MMRN2: variants seen among roughly 807,000 people sequenced by gnomAD.
MMRN2 encodes the protein multimerin-2.
MMRN2 carries 53 observed loss-of-function variants against 68.8 expected under a neutral mutation model. That is an observed-to-expected ratio of 0.77 (90% CI 0.62 to 0.97). The LOEUF is 0.97. MMRN2 is among the 50% of genes least tolerant of loss of function. The probability of loss-of-function intolerance (pLI) is 0.00; values close to 1 mark genes in which losing one functional copy is unlikely to be tolerated. For synonymous variants in MMRN2, 564 were observed against 551.6 expected (o/e 1.02, Z -0.32); for missense variants, 1,266 against 1,259.5 (o/e 1.01, Z -0.08).
intron 6 of MMRN2, among the ~76,000 whole-genome samples, chr10:86,938,261 T>C (rs1254263502): frequency 6.6e-6 from 1 of 152,140 alleles, no homozygotes; most frequent in Admixed American, 6.5e-5. Context: ...TATGGGTAAA[T>C]TGAGGCCCAG....
Position 86,936,940 on chromosome 10 carries a change from C to G in MMRN2, c.2653G>C (p.Gly885Arg). 3.7e-6 allele frequency: 6 copies of G among 1,614,218 alleles called. No homozygotes were observed. The highest frequency in any genetic ancestry group is 5.1e-6 in the Non-Finnish European group (6 of 1,180,038). ...SVEFGPGPGT[G>R]QLVFGGHHRT... ...TGGTGACCTCCAAACACCAGCTGCCCGGTGCCTGGCCCTGGGCCAAATTCA... is the reference window on the plus strand; with the variant it reads ...TGGTGACCTCCAAACACCAGCTGCCGGGTGCCTGGCCCTGGGCCAAATTCA... The change falls in exon 7 of 7, where the codon GGG becomes CGG. Residue 885 changes from glycine to arginine, a missense_variant. By Grantham distance (125) the Gly-to-Arg change is moderately radical (BLOSUM62 -2). Coordinates refer to ENST00000372027, the MANE Select transcript of MMRN2 (RefSeq NM_024756.3).
At chr10:86,955,100 G>GCCTGGGTGGT (rs1844201184) in intron 1 of MMRN2, among the ~76,000 whole-genome samples, 1 of 152,188 alleles carries the variant, frequency 6.6e-6, no homozygotes, top group Non-Finnish European at 1.5e-5. Flanking sequence ...GCCTGGGTGG[G>GCCTGGGTGGT]CCTGGGCTCT....
chr10:86,936,772 A>C lies in MMRN2; in HGVS notation c.2821T>G (p.Phe941Val). 6.2e-7 allele frequency: 1 copy of C among 1,614,174 alleles called. No individual in the cohort carries two copies. The highest frequency in any genetic ancestry group is 8.5e-7 in the Non-Finnish European group (1 of 1,180,026). The change falls in exon 7 of 7, where the codon TTT becomes GTT. Residue 941 changes from phenylalanine to valine, a missense_variant. Coordinates refer to ENST00000372027, the MANE Select transcript of MMRN2 (RefSeq NM_024756.3). The part of the protein sequence containing the change: ...ITKRSLSGTA[F>V]GGFLMFKT ...GTCTTAAACATCAGGAAGCCCCCAAATGCAGTGCCCGACAGGCTTCTCTTT... is the reference window on the plus strand; with the variant it reads ...GTCTTAAACATCAGGAAGCCCCCAACTGCAGTGCCCGACAGGCTTCTCTTT...
At position 86,943,360 on chromosome 10, in the gene MMRN2, A is replaced by C. The variant is rs748848456; in HGVS notation, c.1424T>G (p.Leu475Arg). ...GGCATGGCCACCCTGCAGGTGCTGC[A>C]GCGTGAGGTTGAGCTCCAGGAGCTG... ...ERQLLELNLTLQHLQGGHADL... is the reference protein window; with the variant it reads ...ERQLLELNLTRQHLQGGHADL... The change falls in exon 6 of 7, where the codon CTG becomes CGG. Residue 475 changes from leucine to arginine, a missense_variant. By Grantham distance (102) the Leu-to-Arg change is moderately radical. Transcript: ENST00000372027. This position sits in a 1 kb window ranked among gnomAD's most constrained non-coding sequence, Gnocchi z 4.2. The C allele has an allele frequency of 6.2e-7, 1 of 1,613,986 alleles. No homozygotes were observed. Among genetic ancestry groups the C allele is most frequent in the Admixed American group, 1.7e-5 (1 of 60,018 alleles).
In MMRN2 at chr10:86,942,301, C is replaced by G. The variant is rs1181945836; in HGVS notation, c.2467+16G>C. 1 of 1,594,206 alleles carries G rather than the reference C, an allele frequency of 6.3e-7. No homozygotes were observed. Among genetic ancestry groups the G allele is most frequent in the Admixed American group, 1.7e-5 (1 of 58,620 alleles). ...GCCTCCTAGGCTCGTCCAGTCTCCC[C>G]AGCCCAGGAACTCACCTGCCTCCCA... On this transcript the variant is annotated intron_variant, in intron 6 of 6. Transcript: ENST00000372027.
At chr10:86,956,775 G>T (rs769253126) in intron 1 of MMRN2, among the ~76,000 whole-genome samples, 9 of 152,224 alleles carry the variant, frequency 5.9e-5, no homozygotes, top group Non-Finnish European at 1.0e-4. Context: ...GATGAGGGGG[G>T]ACTTACAGGC....
chr10:86,945,457 G>A lies in MMRN2; in HGVS notation c.313C>T (p.Pro105Ser), dbSNP rs866515921. ...ACCTTCTGCTTGACCTGGTACACTG[G>A]CTTGTGGGCCATGCGGTACCTGGAA... ...VKVMYRMAHK[P>S]VYQVKQKVLT... The change falls in exon 3 of 7, where the codon CCA becomes TCA. Residue 105 changes from proline to serine, a missense_variant. By Grantham distance (74) the Pro-to-Ser change is moderately conservative. Transcript: ENST00000372027. 6.4e-7 allele frequency: 1 copy of A among 1,560,458 alleles called. No homozygotes were observed. Among genetic ancestry groups the A allele is most frequent in the South Asian group, 1.2e-5 (1 of 85,346 alleles).
At chr10:86,940,775 G>C (rs2093911552) in intron 6 of MMRN2, among the ~76,000 whole-genome samples, 1 of 152,214 alleles carries the variant, frequency 6.6e-6, no homozygotes, top group South Asian at 2.1e-4. Flanking sequence ...CCAAGATGGT[G>C]GCCTTGTACT....
At chr10:86,944,604 T>A in intron 4 of MMRN2, 169 bp from the exon 5 acceptor site, 1 of 650,674 alleles carries the variant, frequency 1.5e-6, no homozygotes, top group Middle Eastern at 4.1e-4. Flanking sequence ...GCATAGCAAG[T>A]GAGCCCTCAC....
intron 1 of MMRN2, 129 bp downstream of exon 1, chr10:86,957,249 G>A (rs1340524601): frequency 5.2e-6 from 5 of 952,746 alleles, no homozygotes; most frequent in Non-Finnish European, 8.1e-6. Context: ...CTCACAGATG[G>A]CCCAGAGATA....
chr10:86,948,525 G>A (rs894995951), intron 1 of MMRN2, among the ~76,000 whole-genome samples: 1 of 152,030 alleles, frequency 6.6e-6, no homozygotes, highest in Non-Finnish European at 1.5e-5. Flanking sequence ...TAAAGTTAAA[G>A]AAATTTCCCT....
At chr10:86,942,288 C>G (rs1389853090) in intron 6 of MMRN2, 29 bp downstream of exon 6, 1 of 1,574,212 alleles carries the variant, frequency 6.4e-7, no homozygotes, top group African/African-American at 1.4e-5. Flanking sequence ...CTCCTAGGCT[C>G]GTCCAGTCTC....
At chr10:86,957,180 G>A (rs1844248892) in intron 1 of MMRN2, among the ~76,000 whole-genome samples, 198 bp downstream of exon 1, 1 of 152,316 alleles carries the variant, frequency 6.6e-6, no homozygotes, top group South Asian at 2.1e-4. Context: ...CTCCGACAGG[G>A]AACTCCCTGC....
Position 86,936,813 on chromosome 10 carries a change from G to T in MMRN2, c.2780C>A (p.Thr927Asn). The T allele has an allele frequency of 6.2e-7, 1 of 1,614,194 alleles. No homozygotes were observed. Among genetic ancestry groups the T allele is most frequent in the South Asian group, 1.1e-5 (1 of 91,082 alleles). The change falls in exon 7 of 7, where the codon ACC (threonine) becomes AAC (asparagine). Residue 927 changes from threonine to asparagine, a missense_variant. By Grantham distance (65) the Thr-to-Asn change is moderately conservative. Coordinates refer to ENST00000372027, the MANE Select transcript of MMRN2 (RefSeq NM_024756.3). ...GCTTCTCTTTGTTATTGATCCCTGG[G>T]TTAACTCAAACCATACTCGCTCACC... ...QKGERVWFEL[T>N]QGSITKRSLS...
At position 86,942,346 on chromosome 10, in the gene MMRN2, C is replaced by T. The variant is rs1843984697; in HGVS notation, c.2438G>A (p.Gly813Asp). Residue 813 changes from glycine to aspartate, a missense_variant, in exon 6 of 7, where the codon GGT (glycine) becomes GAT (aspartate). Transcript: ENST00000372027. ...VDIRVTGPVP[G>D]ALGAALWEAG... ...CTCCCAGAGCGCCGCGCCCAAGGCA[C>T]CTGGCACAGGCCCTGTGACCCGTAT... The T allele has an allele frequency of 6.2e-7, 1 of 1,613,396 alleles. No individual in the cohort carries two copies.
chr10:86,950,445 G>A (rs1409999224), intron 1 of MMRN2, among the ~76,000 whole-genome samples: 1 of 152,164 alleles, frequency 6.6e-6, no homozygotes, highest in Non-Finnish European at 1.5e-5. Context: ...TAATTGCATG[G>A]CACACCCAGG....
chr10:86,943,630 A>G lies in MMRN2; in HGVS notation c.1154T>C (p.Met385Thr), dbSNP rs138621439. The G allele has an allele frequency of 6.9e-5, 112 of 1,613,640 alleles. No individual in the cohort carries two copies. The African/African-American group carries it at 1.3e-3, about 19-fold the overall frequency. The change falls in exon 6 of 7, where the codon ATG becomes ACG. Residue 385 changes from methionine (M) to threonine (T), a missense_variant. Transcript: ENST00000372027. This position sits in a 1 kb window ranked among gnomAD's most constrained non-coding sequence, Gnocchi z 4.2. ...QLQRNLSELHMTTARREEELQ... is the reference protein window; with the variant it reads ...QLQRNLSELHTTTARREEELQ... Reference sequence around the variant, plus strand: ...CTCCTCCTCCCTGCGGGCCGTGGTCATGTGCAGCTCTGAGAGGTTCCTCTG... The same window carrying G: ...CTCCTCCTCCCTGCGGGCCGTGGTCGTGTGCAGCTCTGAGAGGTTCCTCTG...
intron 1 of MMRN2, chr10:86,949,170 G>T (rs1284266577): frequency 2.0e-5 from 3 of 152,152 alleles, no homozygotes; most frequent in Non-Finnish European, 2.9e-5. Flanking sequence ...GAATGGCTTT[G>T]AACCTCTCAA....
chr10:86,947,293 C>T (rs1844083383), intron 1 of MMRN2, among the ~76,000 whole-genome samples: 1 of 152,060 alleles, frequency 6.6e-6, no homozygotes, highest in Non-Finnish European at 1.5e-5. Flanking sequence ...TTCTCTGGAG[C>T]CGGTCTTTGT....
Sources: gnomAD v4.1 joint callset for allele counts (sites outside exome capture counted in the v4.1 genomes callset) on GRCh38, gnomAD v4.1.1 for gene constraint, Gnocchi (gnomAD v3.1) non-coding constraint, MANE v1.5 for transcripts, NCBI Gene and HGNC (gene_info 2026-07-23, HGNC 2026-07-21) for gene names.